HNF1B: variants seen among roughly 807,000 people sequenced by gnomAD.
The protein encoded by HNF1B is HNF1 homeobox B.
Under a neutral mutation model 61.7 loss-of-function variants are expected in HNF1B, and 8 were observed. The observed-to-expected ratio is 0.13, with a 90% confidence interval of 0.08 to 0.23. The LOEUF is 0.23. Ranked by LOEUF, HNF1B falls within the 10% of genes least tolerant of loss-of-function variation. HNF1B has a pLI of 1.00. For synonymous variants in HNF1B, 314 were observed against 287.7 expected, an observed-to-expected ratio of 1.09 and a Z score of -0.93; for missense variants, 562 against 714.5, an observed-to-expected ratio of 0.79 and a Z score of 2.43.
intron 4 of HNF1B, among the ~76,000 whole-genome samples, chr17:37,724,037 A>G (rs1474293708): frequency 6.6e-6 from 1 of 152,118 alleles, no homozygotes; most frequent in Non-Finnish European, 1.5e-5. Context: ...ATTTCCCCAT[A>G]TTAGATGTCA....
intron 7 of HNF1B, 152 bp from the exon 8 acceptor site, chr17:37,699,346 GATTCATGTAA>G: frequency 1.4e-6 from 1 of 715,350 alleles, no homozygotes; most frequent in South Asian, 1.6e-5. Flanking sequence ...TTATCCATAA[GATTCATGTAA>G]ATTCCAAGTC....
At chr17:37,713,613 C>T (rs974144524) in intron 4 of HNF1B, among the ~76,000 whole-genome samples, 6 of 152,184 alleles carry the variant, frequency 3.9e-5, no homozygotes, top group Admixed American at 6.5e-5. Flanking sequence ...GATAGAGGCT[C>T]GGCTGGAAAC....
chr17:37,723,016 T>C (rs1411402444), intron 4 of HNF1B, among the ~76,000 whole-genome samples: 1 of 151,958 alleles, frequency 6.6e-6, no homozygotes, highest in Non-Finnish European at 1.5e-5. Context: ...GCAATACACA[T>C]GAGAGGAGTA....
At chr17:37,736,545 G>A (rs759526402) in intron 2 of HNF1B, among the ~76,000 whole-genome samples, 1 of 152,148 alleles carries the variant, frequency 6.6e-6, no homozygotes, top group Non-Finnish European at 1.5e-5. Flanking sequence ...CTGCAGGCTT[G>A]CAGGCTCCTA....
chr17:37,709,171 C>G (rs2032851103), intron 5 of HNF1B, among the ~76,000 whole-genome samples: 1 of 152,192 alleles, frequency 6.6e-6, no homozygotes, highest in African/African-American at 2.4e-5. Flanking sequence ...CTCCCATAAG[C>G]CACTCTCTCC....
At position 37,710,681 on chromosome 17, in the gene HNF1B, C is replaced by G; in HGVS notation, c.1046-18G>C. ...GCGCACTCCTGCAAAACAACACAAA[C>G]CCAGTAGGGAACATTAGTGCCACCA... On this transcript the variant is annotated intron_variant, in intron 4 of 8. Transcript: ENST00000617811. 1 of 1,610,516 alleles carries G rather than the reference C, an allele frequency of 6.2e-7. No homozygotes were observed. Among genetic ancestry groups the G allele is most frequent in the Non-Finnish European group, 8.5e-7 (1 of 1,177,834 alleles).
At chr17:37,727,849 T>C (rs2033551721) in intron 4 of HNF1B, among the ~76,000 whole-genome samples, 1 of 152,224 alleles carries the variant, frequency 6.6e-6, no homozygotes, top group East Asian at 1.9e-4. Flanking sequence ...CCAGCCCTCC[T>C]GGCTCAGGTG....
In HNF1B at chr17:37,696,343, G is replaced by A. The variant is rs549649287; in HGVS notation, c.1653+2733C>T. Among the ~76,000 whole-genome samples, 21 of 152,234 alleles carry A rather than the reference G, an allele frequency of 1.4e-4. No homozygotes were observed. In the South Asian group the frequency reaches 1.7e-3, roughly 12 times the overall value. ...TCTCAGCTACTCTGGAGGCTGAGGC[G>A]GGAGGACTGATTGAGCCCAGGAGGT... On this transcript the variant is annotated intron_variant, in intron 8 of 8. Transcript: ENST00000617811.
At chr17:37,712,192 C>G (rs1377954706) in intron 4 of HNF1B, among the ~76,000 whole-genome samples, 1 of 152,220 alleles carries the variant, frequency 6.6e-6, no homozygotes, top group Non-Finnish European at 1.5e-5. Flanking sequence ...TTCTATTGGC[C>G]ATTTTCCCCA....
chr17:37,733,509 G>A, intron 3 of HNF1B, 48 bp downstream of exon 3: 1 of 1,611,564 alleles, frequency 6.2e-7, no homozygotes, highest in Non-Finnish European at 8.5e-7. Flanking sequence ...AGGGTTCCTG[G>A]GTCTGTGTAC....
chr17:37,727,322 T>G (rs1345467219), intron 4 of HNF1B, among the ~76,000 whole-genome samples: 1 of 152,040 alleles, frequency 6.6e-6, no homozygotes, highest in Non-Finnish European at 1.5e-5. Flanking sequence ...AGAGCTGGAA[T>G]AGGGGGTGGG....
Position 37,701,128 on chromosome 17 carries a change from G to A in HNF1B, c.1389C>T (p.Ala463=), listed in dbSNP as rs761684626. The A allele has an allele frequency of 1.2e-4, 189 of 1,552,158 alleles. 1 individual carries two copies. The East Asian group carries it at 4.2e-3, about 34-fold the overall frequency. Residue 463 remains alanine (A), a synonymous_variant, in exon 7 of 9, where the codon GCC becomes GCT. Transcript: ENST00000617811. ...CGGGCTGCAGGGCTGCCAGGCTGCC[G>A]GCCACACTGTTGATGACAGGGACAC... ...AQSVPVINSV[A]GSLAALQPVQ...
rs145447469 is a variant in HNF1B at position 37,687,192 on chromosome 17, C to T, written c.*180G>A. ...ACTGCATAGAAGGGAAACTGGGCTT[C>T]GGGCTGCGCCTCCTGAGAGTGGATT... is the stretch of plus-strand genomic sequence containing the variant. On this transcript the variant is annotated 3_prime_UTR_variant, in exon 9 of 9. Coordinates refer to ENST00000617811, the MANE Select transcript of HNF1B (RefSeq NM_000458.4). 6.4e-4 allele frequency: 598 copies of T among 933,920 alleles called. 1 individual carries two copies. The African/African-American group carries it at 8.4e-3, about 13-fold the overall frequency. 57.9% of individuals were successfully genotyped at this position (933,920 alleles called of 1,614,324 possible). A position where few individuals can be genotyped will look rare whatever the true frequency, so the allele number is the denominator to read the frequency against.
intron 4 of HNF1B, among the ~76,000 whole-genome samples, chr17:37,725,389 A>G (rs1022386371): frequency 6.6e-6 from 1 of 152,182 alleles, no homozygotes; most frequent in Non-Finnish European, 1.5e-5. Context: ...TTGTATGCAG[A>G]CCAGGGCTGG....
chr17:37,742,670 C>T (rs1389683154), intron 1 of HNF1B, among the ~76,000 whole-genome samples: 5 of 152,066 alleles, frequency 3.3e-5, no homozygotes, highest in Non-Finnish European at 1.5e-5. Context: ...CCTCTCCCTG[C>T]CCTGCTGGGG....
Position 37,739,653 on chromosome 17 carries a change from C to G in HNF1B, c.345-14G>C. ...CAAGGGTCCTCACTAGACAGACAAG[C>G]AGATGGTTAGGGTACTAGTGGGAGA... On this transcript the variant is annotated splice_polypyrimidine_tract_variant and intron_variant, in intron 1 of 8. Coordinates refer to ENST00000617811, the MANE Select transcript of HNF1B (RefSeq NM_000458.4). The G allele has an allele frequency of 6.2e-7, 1 of 1,600,278 alleles. No individual in the cohort carries two copies. Among genetic ancestry groups the G allele is most frequent in the Non-Finnish European group, 8.5e-7 (1 of 1,171,756 alleles).
rs573376642 is a variant in HNF1B at position 37,744,496 on chromosome 17, C to A, written c.344+45G>T. ...GTGTCACTCAGGCCCGGGGCCGGGGCTCCAGGGGTTCGGGTGGGTCCCCTC... is the reference window on the plus strand; with the variant it reads ...GTGTCACTCAGGCCCGGGGCCGGGGATCCAGGGGTTCGGGTGGGTCCCCTC... On this transcript the variant is annotated intron_variant, in intron 1 of 8. Transcript: ENST00000617811. The A allele has an allele frequency of 1.5e-5, 23 of 1,582,942 alleles. 1 individual carries two copies. In the South Asian group the frequency reaches 2.1e-4, roughly 14 times the overall value.
chr17:37,723,549 A>G (rs568334252), intron 4 of HNF1B, among the ~76,000 whole-genome samples: 1 of 152,128 alleles, frequency 6.6e-6, no homozygotes, highest in Non-Finnish European at 1.5e-5. Flanking sequence ...ACGGCACTCA[A>G]TATGCCTTGT....
chr17:37,723,242 G>C (rs928835265), intron 4 of HNF1B, among the ~76,000 whole-genome samples: 11 of 151,908 alleles, frequency 7.2e-5, no homozygotes, highest in African/African-American at 2.7e-4. Context: ...AGCTACTCGG[G>C]AGGCTGAGGC....
Sources: allele counts gnomAD v4.1 joint callset (sites outside exome capture counted in the v4.1 genomes callset), GRCh38; gene constraint gnomAD v4.1.1; transcripts MANE v1.5; gene names NCBI Gene and HGNC (gene_info 2026-07-23, HGNC 2026-07-21).